Variants in TAFA5 observed in about 807,000 individuals in gnomAD.
The protein encoded by TAFA5 is TAFA chemokine like family member 5.
A neutral mutation model predicts 15.3 loss-of-function variants in TAFA5; 6 were observed. The ratio of observed to expected loss-of-function variants is 0.39; its 90% CI spans 0.21 to 0.77. The LOEUF (loss-of-function observed/expected upper bound fraction) is 0.77. TAFA5 is among the 30% of genes least tolerant of loss of function. TAFA5 has a pLI of 0.41. For missense variants in TAFA5, 161 were observed against 193.1 expected, an observed-to-expected ratio of 0.83 and a Z score of 0.98; for synonymous variants, 103 against 80.7, an observed-to-expected ratio of 1.28 and a Z score of -1.48.
At chr22:48,539,953 G>T (rs1295474339) in intron 1 of TAFA5, among the ~76,000 whole-genome samples, 1 of 152,074 alleles carries the variant, frequency 6.6e-6, no homozygotes, top group Admixed American at 6.5e-5. Flanking sequence ...AGTTTGGTTC[G>T]ATTCCAGCAC....
At chr22:48,618,692 C>T (rs1925702208) in intron 1 of TAFA5, among the ~76,000 whole-genome samples, 2 of 152,252 alleles carry the variant, frequency 1.3e-5, no homozygotes, top group Non-Finnish European at 2.9e-5. Context: ...CCTTGCTGCT[C>T]TGCTGGGCAG....
chr22:48,748,718 C>T (rs2147279313), intron 3 of TAFA5, among the ~76,000 whole-genome samples: 1 of 152,292 alleles, frequency 6.6e-6, no homozygotes, highest in Admixed American at 6.5e-5. Context: ...CCGCAGCTGG[C>T]CAGGGTGCTG....
intron 3 of TAFA5, among the ~76,000 whole-genome samples, chr22:48,740,673 G>A (rs1930154020): frequency 6.6e-6 from 1 of 152,214 alleles, no homozygotes; most frequent in Non-Finnish European, 1.5e-5. Flanking sequence ...GATGGGCTCA[G>A]CATGTCACGT....
At chr22:48,607,798 T>C (rs1925249441) in intron 1 of TAFA5, among the ~76,000 whole-genome samples, 1 of 152,088 alleles carries the variant, frequency 6.6e-6, no homozygotes, top group Admixed American at 6.6e-5. Context: ...GTCCAGTTCA[T>C]TAAAAAAAAC....
intron 2 of TAFA5, among the ~76,000 whole-genome samples, chr22:48,658,490 G>A (rs527288035): frequency 3.3e-5 from 5 of 152,240 alleles, no homozygotes; most frequent in African/African-American, 4.8e-5. Flanking sequence ...TGCATCTTGC[G>A]TGAGTGACGG....
intron 1 of TAFA5, among the ~76,000 whole-genome samples, chr22:48,600,332 G>A (rs1205190299): frequency 6.6e-6 from 1 of 152,190 alleles, no homozygotes; most frequent in Non-Finnish European, 1.5e-5. Context: ...AGGGACACAG[G>A]AGGCCAGGGT....
At chr22:48,678,841 T>C (rs1928062668) in intron 2 of TAFA5, among the ~76,000 whole-genome samples, 1 of 151,160 alleles carries the variant, frequency 6.6e-6, no homozygotes, top group Non-Finnish European at 1.5e-5. Flanking sequence ...TTCTCACATG[T>C]TGGAAGCCTG....
chr22:48,683,284 A>G (rs1348103934), intron 2 of TAFA5, among the ~76,000 whole-genome samples: 1 of 152,262 alleles, frequency 6.6e-6, no homozygotes, highest in African/African-American at 2.4e-5. Flanking sequence ...AAGGCATTAC[A>G]CACAGACGAG....
intron 1 of TAFA5, among the ~76,000 whole-genome samples, chr22:48,614,832 G>A (rs1419780541): frequency 6.6e-6 from 1 of 152,110 alleles, no homozygotes; most frequent in Non-Finnish European, 1.5e-5. Flanking sequence ...GTGGGGGCCG[G>A]GGTAGGCACT....
intron 1 of TAFA5, among the ~76,000 whole-genome samples, chr22:48,635,096 GACGGAGA>G (rs1171398407): frequency 6.6e-6 from 1 of 152,220 alleles, no homozygotes; most frequent in African/African-American, 2.4e-5. Flanking sequence ...GGGGCCTGGG[GACGGAGA>G]ACGCAGAGCA....
rs1202699841 is a variant in TAFA5 at position 48,605,204 on chromosome 22, A to ATGATGG, written c.113-41391_113-41390insATGGTG. On this transcript the variant is annotated intron_variant, in intron 1 of 3. Transcript: ENST00000402357. ...GATGGTGGTGGTGGTAATGGTGATG[A>ATGATGG]TGGTGGTGATGGTGGTGATGGTGAT... Among the ~76,000 whole-genome samples the ATGATGG allele has an allele frequency of 2.2e-4, 17 of 78,876 alleles. 1 individual carries two copies. Among genetic ancestry groups the ATGATGG allele is most frequent in the Non-Finnish European group, 3.0e-4 (11 of 36,464 alleles). 51.7% of individuals were successfully genotyped at this position (78,876 alleles called of 152,430 possible).
At chr22:48,539,409 T>G (rs1341994131) in intron 1 of TAFA5, 2 of 471,136 alleles carry the variant, frequency 4.2e-6, no homozygotes, top group African/African-American at 2.0e-5. Flanking sequence ...TGTTACTGTT[T>G]CCCAGGCAGG....
intron 1 of TAFA5, among the ~76,000 whole-genome samples, chr22:48,600,959 G>A (rs1307154959): frequency 1.3e-5 from 2 of 152,230 alleles, no homozygotes; most frequent in Non-Finnish European, 2.9e-5. Flanking sequence ...CCTCTCCGCG[G>A]TCACGGTGCT....
At chr22:48,672,124 T>C (rs1035134553) in intron 2 of TAFA5, among the ~76,000 whole-genome samples, 5 of 152,246 alleles carry the variant, frequency 3.3e-5, no homozygotes, top group African/African-American at 1.2e-4. Flanking sequence ...GAGATTTTCA[T>C]CTCGAAGTTT....
chr22:48,653,787 G>A (rs1301519405), intron 2 of TAFA5, among the ~76,000 whole-genome samples: 1 of 152,130 alleles, frequency 6.6e-6, no homozygotes, highest in East Asian at 1.9e-4. Flanking sequence ...TCTGTGAAGC[G>A]CCCCCACTCC....
Position 48,682,879 on chromosome 22 carries a change from A to G in TAFA5, c.263-24838A>G, listed in dbSNP as rs543983981. ...TGATTTCAAGGTTGTGTTTCATTAC[A>G]GTGTGGCAGGAAGGCTTGACACGCG... On this transcript the variant is annotated intron_variant, in intron 2 of 3. Coordinates refer to ENST00000402357, the MANE Select transcript of TAFA5 (RefSeq NM_001082967.3). Among the ~76,000 whole-genome samples the G allele has an allele frequency of 3.9e-5, 6 of 152,284 alleles. No homozygotes were observed. In the East Asian group the frequency reaches 9.7e-4, roughly 24 times the overall value.
At chr22:48,733,746 A>C (rs904564018) in intron 3 of TAFA5, among the ~76,000 whole-genome samples, 83 of 152,040 alleles carry the variant, frequency 5.5e-4, no homozygotes, top group African/African-American at 2.0e-3. Context: ...CTGCAGGCCA[A>C]ATCAGGCCCA....
intron 2 of TAFA5, among the ~76,000 whole-genome samples, chr22:48,693,000 C>A (rs984893730): frequency 6.6e-5 from 10 of 152,228 alleles, no homozygotes; most frequent in African/African-American, 2.4e-4. Flanking sequence ...CTCCGCGAGC[C>A]CGTGCTCACT....
chr22:48,623,895 A>G (rs1925939499), intron 1 of TAFA5, among the ~76,000 whole-genome samples: 1 of 152,270 alleles, frequency 6.6e-6, no homozygotes, highest in South Asian at 2.1e-4. Flanking sequence ...AATAATTATT[A>G]ATAGGACATT....
Sources: gnomAD v4.1 joint callset for allele counts (sites outside exome capture counted in the v4.1 genomes callset) on GRCh38, gnomAD v4.1.1 for gene constraint, MANE v1.5 for transcripts, NCBI Gene and HGNC (gene_info 2026-07-23, HGNC 2026-07-21) for gene names.